Variants in BST2 observed in about 807,000 individuals in gnomAD.
The protein encoded by BST2 is bone marrow stromal antigen 2.
A neutral mutation model predicts 18.6 loss-of-function variants in BST2; 10 were observed. The ratio of observed to expected loss-of-function variants is 0.54; its 90% CI spans 0.33 to 0.91. BST2 has a LOEUF of 0.91. Ranked by LOEUF, BST2 falls within the 40% of genes least tolerant of loss-of-function variation. The pLI, the probability that BST2 is intolerant of heterozygous loss-of-function variation, is 0.02. For missense variants in BST2, 183 were observed against 228.4 expected, an observed-to-expected ratio of 0.80 and a Z score of 1.28; for synonymous variants, 75 against 96.8, an observed-to-expected ratio of 0.77 and a Z score of 1.32.
chr19:17,403,983 TA>T, intron 3 of BST2, 145 bp downstream of exon 3: 1 of 1,319,348 alleles, frequency 7.6e-7, no homozygotes, highest in Non-Finnish European at 1.0e-6. Flanking sequence ...CCCTAGGGGC[TA>T]AGTTATCCTT....
Position 17,405,278 on chromosome 19 carries a change from T to C in BST2, c.285+13A>G, listed in dbSNP as rs770097455. On this transcript the variant is annotated intron_variant, in intron 1 of 4. Coordinates refer to ENST00000252593, the MANE Select transcript of BST2 (RefSeq NM_004335.4). ...CCTAGTACTAGGCCATCCAAAGGAG[T>C]TGAGGAGCTTACCACAGTGTGGTTG... 1.1e-5 allele frequency: 17 copies of C among 1,599,988 alleles called. No individual in the cohort carries two copies. The highest frequency in any genetic ancestry group is 8.9e-5 in the South Asian group (8 of 89,552).
chr19:17,403,574 A>T, intron 4 of BST2, 106 bp downstream of exon 4: 1 of 1,250,284 alleles, frequency 8.0e-7, no homozygotes, highest in Middle Eastern at 3.3e-4. Flanking sequence ...CTCTGCGCCC[A>T]GTCCCTTCCC....
chr19:17,404,732 C>T (rs1348220680), intron 1 of BST2, among the ~76,000 whole-genome samples: 1 of 152,178 alleles, frequency 6.6e-6, no homozygotes, highest in African/African-American at 2.4e-5. Flanking sequence ...TCCAGATTGC[C>T]TGAGCAATGG....
At chr19:17,404,032 A>AT (rs2074711346) in intron 3 of BST2, 97 bp downstream of exon 3, 2 of 1,426,724 alleles carry the variant, frequency 1.4e-6, no homozygotes, top group Admixed American at 4.0e-5. Flanking sequence ...GGCAATGGGG[A>AT]TTTTGGGAGC....
intron 1 of BST2, 128 bp downstream of exon 1, chr19:17,405,163 C>A (rs1202383243): frequency 2.4e-6 from 3 of 1,240,296 alleles, no homozygotes; most frequent in Non-Finnish European, 2.2e-6. Context: ...GATGTGGGGG[C>A]CCAGGAGCAG....
Position 17,404,177 on chromosome 19 carries a change from G to A in BST2, c.365C>T (p.Thr122Ile), listed in dbSNP as rs891568965. ...CGCGTCCTGAAGCTTATGGTTTAAT[G>A]TAGTGATCTCTCCTGGTAGGGTGGG... ...KVEELEGEITTLNHKLQDASA... is the reference protein window; with the variant it reads ...KVEELEGEITILNHKLQDASA... Residue 122 changes from threonine (T) to isoleucine (I), a missense_variant, in exon 3 of 5, where the codon ACA becomes ATA. Coordinates refer to ENST00000252593, the MANE Select transcript of BST2 (RefSeq NM_004335.4). 6.2e-7 allele frequency: 1 copy of A among 1,602,424 alleles called. No homozygotes were observed. The highest frequency in any genetic ancestry group is 1.1e-5 in the South Asian group (1 of 89,656).
At chr19:17,404,027 T>C in intron 3 of BST2, 102 bp downstream of exon 3, 1 of 1,399,408 alleles carries the variant, frequency 7.1e-7, no homozygotes, top group Non-Finnish European at 9.8e-7. Context: ...CTTGGGGCAA[T>C]GGGGATTTTG....
chr19:17,404,346 G>T (rs1252696781), intron 2 of BST2, 25 bp downstream of exon 2: 4 of 1,583,388 alleles, frequency 2.5e-6, no homozygotes, highest in Non-Finnish European at 1.7e-6. Flanking sequence ...CCCCTCCCCG[G>T]CCCTCTCCCT....
intron 1 of BST2, 196 bp from the exon 2 acceptor site, chr19:17,404,633 ATAAG>A: frequency 4.1e-6 from 3 of 736,616 alleles, no homozygotes; most frequent in Non-Finnish European, 6.4e-6. Flanking sequence ...AGGGCCACCC[ATAAG>A]CATGTGGGTC....
intron 4 of BST2, 50 bp from the exon 5 acceptor site, chr19:17,403,376 GGCCCCGCTCCAAGCCCGGCCCCAA>G: frequency 8.9e-7 from 1 of 1,117,350 alleles, no homozygotes; most frequent in Non-Finnish European, 1.1e-6. Flanking sequence ...AGCAGACACT[GGCCCCGCTCCAAGCCCGGCCCCAA>G]GCCCCGCCCC....
At position 17,405,488 on chromosome 19, in the gene BST2, C is replaced by T. The variant is rs1568385464; in HGVS notation, c.88G>A (p.Val30Met). The T allele has an allele frequency of 1.2e-6, 2 of 1,614,224 alleles. No homozygotes were observed. Among genetic ancestry groups the T allele is most frequent in the East Asian group, 2.2e-5 (1 of 44,888 alleles). The change falls in exon 1 of 5, where the codon GTG (valine) becomes ATG (methionine). Residue 30 changes from valine (V) to methionine (M), a missense_variant. Physicochemically the swap from Val to Met is conservative, Grantham distance 21. Transcript: ENST00000252593. Reference protein sequence around the residue: ...CKLLLGIGILVLLIIVILGVP... With the variant: ...CKLLLGIGILMLLIIVILGVP... The stretch of plus-strand genomic sequence containing the variant: ...CCCAGAATCACGATGATCAGGAGCA[C>T]CAGAATTCCTATCCCCAGCAGAAGC...
At chr19:17,404,504 T>C (rs2074714887) in intron 1 of BST2, 67 bp from the exon 2 acceptor site, 1 of 1,611,304 alleles carries the variant, frequency 6.2e-7, no homozygotes, top group Non-Finnish European at 8.5e-7. Flanking sequence ...GACCTGGGCC[T>C]CCTCCCTAGG....
Position 17,405,422 on chromosome 19 carries a change from C to G in BST2, c.154G>C (p.Ala52Pro). 6.2e-7 allele frequency: 1 copy of G among 1,614,254 alleles called. No homozygotes were observed. Among genetic ancestry groups the G allele is most frequent in the African/African-American group, 1.3e-5 (1 of 75,070 alleles). ...IIFTIKANSE[A>P]CRDGLRAVME... ...ACTGCCCGAAGGCCGTCCCGGCAGG[C>G]CTCGCTGTTGGCCTTGATGGTGAAG... is the stretch of plus-strand genomic sequence containing the variant. The change falls in exon 1 of 5, where the codon GCC (alanine) becomes CCC (proline). Residue 52 changes from alanine to proline, a missense_variant. Coordinates refer to ENST00000252593, the MANE Select transcript of BST2 (RefSeq NM_004335.4).
intron 4 of BST2, 56 bp downstream of exon 4, chr19:17,403,624 C>A: frequency 6.4e-7 from 1 of 1,571,162 alleles, no homozygotes. Context: ...CTCTGCTTCC[C>A]CGCCCCGCTT....
Position 17,403,085 on chromosome 19 carries a change from G to A in BST2, c.*257C>T. ...CCCCATGCCCAATCTCAGGGTGGGA[G>A]ACAAGAGGGGGGACTCATTGTCCGG... On this transcript the variant is annotated 3_prime_UTR_variant, in exon 5 of 5. Transcript: ENST00000252593. 2 of 985,120 alleles carry A rather than the reference G, an allele frequency of 2.0e-6. No homozygotes were observed. The highest frequency in any genetic ancestry group is 2.4e-6 in the Non-Finnish European group (2 of 829,946). 61.0% of individuals were successfully genotyped at this position (985,120 alleles called of 1,614,324 possible). A position where few individuals can be genotyped will look rare whatever the true frequency, so the allele number is the denominator to read the frequency against.
At chr19:17,405,062 G>A (rs2074718276) in intron 1 of BST2, among the ~76,000 whole-genome samples, 1 of 152,278 alleles carries the variant, frequency 6.6e-6, no homozygotes, top group East Asian at 1.9e-4. Flanking sequence ...CGATTTGGGG[G>A]ATCTGGAGAG....
chr19:17,404,324 A>G lies in BST2; in HGVS notation c.352+47T>C, dbSNP rs772609117. 2.1e-5 allele frequency: 26 copies of G among 1,265,920 alleles called. No homozygotes were observed. In the East Asian group the frequency reaches 6.2e-4, roughly 30 times the overall value. 78.4% of individuals were successfully genotyped at this position (1,265,920 alleles called of 1,614,324 possible). ...TCTCCCTGCCCCCACCCCCTCTTCCATACCTGACTCACCCCTCCCCGGCCC... is the reference window on the plus strand; with the variant it reads ...TCTCCCTGCCCCCACCCCCTCTTCCGTACCTGACTCACCCCTCCCCGGCCC... On this transcript the variant is annotated intron_variant, in intron 2 of 4. Coordinates refer to ENST00000252593, the MANE Select transcript of BST2 (RefSeq NM_004335.4).
Position 17,404,178 on chromosome 19 carries a change from T to C in BST2, c.364A>G (p.Thr122Ala), listed in dbSNP as rs1312233553. 3 of 1,602,200 alleles carry C rather than the reference T, an allele frequency of 1.9e-6. No individual in the cohort carries two copies. The African/African-American group carries it at 4.0e-5, about 21-fold the overall frequency. The change falls in exon 3 of 5, where the codon ACA becomes GCA. Residue 122 changes from threonine (T) to alanine (A), a missense_variant. Thr to Ala is a moderately conservative substitution (Grantham distance 58, BLOSUM62 0). Transcript: ENST00000252593. ...KVEELEGEIT[T>A]LNHKLQDASA... is the part of the protein sequence containing the mutation. ...GCGTCCTGAAGCTTATGGTTTAATG[T>C]AGTGATCTCTCCTGGTAGGGTGGGA...
At position 17,404,189 on chromosome 19, in the gene BST2, C is replaced by T. The variant is rs2145745270; in HGVS notation, c.353G>A (p.Gly118Glu). The T allele has an allele frequency of 6.2e-7, 1 of 1,602,422 alleles. No individual in the cohort carries two copies. The highest frequency in any genetic ancestry group is 1.1e-5 in the South Asian group (1 of 89,774). The change falls in exon 3 of 5, where the codon GGA becomes GAA. Residue 118 changes from glycine to glutamate, a missense_variant and splice_region_variant. Transcript: ENST00000252593. Reference sequence around the variant, plus strand: ...CTTATGGTTTAATGTAGTGATCTCTCCTGGTAGGGTGGGAGGACAGAAACA... The same window carrying T: ...CTTATGGTTTAATGTAGTGATCTCTTCTGGTAGGGTGGGAGGACAGAAACA... ...QGQKKVEELE[G>E]EITTLNHKLQ...
Sources: gnomAD v4.1 joint callset for allele counts (sites outside exome capture counted in the v4.1 genomes callset) on GRCh38, gnomAD v4.1.1 for gene constraint, MANE v1.5 for transcripts, NCBI Gene and HGNC (gene_info 2026-07-23, HGNC 2026-07-21) for gene names.